Variants in RWDD3 observed in about 807,000 individuals in gnomAD.
The protein encoded by RWDD3 is RWD domain containing 3.
RWDD3 carries 30 observed loss-of-function variants against 26.5 expected under a neutral mutation model. The ratio of observed to expected loss-of-function variants is 1.13; its 90% CI spans 0.85 to 1.54. RWDD3 has a LOEUF of 1.54. Ranked by LOEUF, RWDD3 falls within the 40% of genes most tolerant of loss-of-function variation. The probability of loss-of-function intolerance (pLI) is 0.00; values close to 1 mark genes in which losing one functional copy is unlikely to be tolerated. For missense variants in RWDD3, 296 were observed against 309.1 expected (o/e 0.96, Z 0.32); for synonymous variants, 113 against 114.5 (o/e 0.99, Z 0.09).
chr1:95,237,058 A>G lies in RWDD3; in HGVS notation c.85+2743A>G, dbSNP rs532188420. On this transcript the variant is annotated intron_variant, in intron 1 of 3. Coordinates refer to ENST00000370202, the MANE Select transcript of RWDD3 (RefSeq NM_015485.5). ...ATTGAATTATAAAAGAATTCAGTGTAACAACTTAGGACATTTTGTTGCTGA... is the reference window on the plus strand; with the variant it reads ...ATTGAATTATAAAAGAATTCAGTGTGACAACTTAGGACATTTTGTTGCTGA... Among the ~76,000 whole-genome samples the G allele has an allele frequency of 1.8e-4, 27 of 152,344 alleles. 1 individual carries two copies. In the South Asian group the frequency reaches 5.4e-3, roughly 30 times the overall value.
At chr1:95,246,060 G>A (rs1232576306) in intron 2 of RWDD3, 2 of 152,284 alleles carry the variant, frequency 1.3e-5, no homozygotes. Context: ...AATTTGGAAT[G>A]GTAAGTGCTG....
chr1:95,234,271 C>T lies in RWDD3; in HGVS notation c.41C>T (p.Ala14Val). The T allele has an allele frequency of 6.3e-7, 1 of 1,599,342 alleles. No homozygotes were observed. Among genetic ancestry groups the T allele is most frequent in the African/African-American group, 1.3e-5 (1 of 74,840 alleles). Reference sequence around the variant, plus strand: ...CAGGAGGAGCTCTCGGTCCTGGCCGCGATTTTCTGCAGGCCCCACGAGTGG... The same window carrying T: ...CAGGAGGAGCTCTCGGTCCTGGCCGTGATTTTCTGCAGGCCCCACGAGTGG... Reference protein sequence around the residue: ...PVQEELSVLAAIFCRPHEWEV... With the variant: ...PVQEELSVLAVIFCRPHEWEV... Residue 14 changes from alanine to valine, a missense_variant, in exon 1 of 4, where the codon GCG (alanine) becomes GTG (valine). Physicochemically the swap from Ala to Val is moderately conservative, Grantham distance 64. Transcript: ENST00000370202.
At position 95,234,247 on chromosome 1, in the gene RWDD3, A is replaced by G. The variant is rs1014030217; in HGVS notation, c.17A>G (p.Gln6Arg). The G allele has an allele frequency of 4.4e-6, 7 of 1,593,970 alleles. No homozygotes were observed. The African/African-American group carries it at 5.4e-5, about 12-fold the overall frequency. Residue 6 changes from glutamine (Q) to arginine (R), a missense_variant, in exon 1 of 4, where the codon CAG becomes CGG. By Grantham distance (43) the Gln-to-Arg change is conservative (BLOSUM62 1). Transcript: ENST00000370202. MAEPV[Q>R]EELSVLAAIF... The stretch of plus-strand genomic sequence containing the variant: ...CCCACAGCCATGGCGGAGCCTGTGC[A>G]GGAGGAGCTCTCGGTCCTGGCCGCG...
chr1:95,234,501 G>A (rs967569668), intron 1 of RWDD3, among the ~76,000 whole-genome samples, 186 bp downstream of exon 1: 7 of 152,018 alleles, frequency 4.6e-5, no homozygotes, highest in Non-Finnish European at 1.0e-4. Flanking sequence ...AGTGTGAGGC[G>A]ACCCCAGAAA....
At chr1:95,235,697 A>G (rs1680313411) in intron 1 of RWDD3, among the ~76,000 whole-genome samples, 1 of 151,908 alleles carries the variant, frequency 6.6e-6, no homozygotes, top group African/African-American at 2.4e-5. Flanking sequence ...TGAGGGCTTT[A>G]TTAGTCATTT....
rs1557722873 is a variant in RWDD3, at chr1:95,244,703, C to T, written c.573+5C>T. On this transcript the variant is annotated splice_donor_5th_base_variant and intron_variant, in intron 2 of 3. Coordinates refer to ENST00000370202, the MANE Select transcript of RWDD3 (RefSeq NM_015485.5). ...GGAGACAGAAACAACCTCAAGGTGC[C>T]AAAAAGTTAAATGTTGAGTATGAAT... 5 of 1,609,196 alleles carry T rather than the reference C, an allele frequency of 3.1e-6. No homozygotes were observed. The highest frequency in any genetic ancestry group is 4.2e-6 in the Non-Finnish European group (5 of 1,178,142).
chr1:95,234,160 T>C, upstream of RWDD3: 1 of 1,487,950 alleles, frequency 6.7e-7, no homozygotes, highest in East Asian at 2.5e-5. Flanking sequence ...CGGGCAGTGC[T>C]GCTCCTGGCC....
chr1:95,244,792 A>C, intron 2 of RWDD3, 94 bp downstream of exon 2: 1 of 1,326,884 alleles, frequency 7.5e-7, no homozygotes, highest in Non-Finnish European at 1.0e-6. Context: ...GGATAGATTA[A>C]TTATTAAGAT....
intron 3 of RWDD3, 24 bp downstream of exon 3, chr1:95,246,681 T>C (rs1445239344): frequency 3.8e-6 from 6 of 1,559,724 alleles, no homozygotes; most frequent in East Asian, 2.3e-5. Flanking sequence ...CTATTGCAGA[T>C]GGAAAAGCAA....
At position 95,246,458 on chromosome 1, in the gene RWDD3, G is replaced by A. The variant is rs182213174; in HGVS notation, c.574-84G>A. 95 of 690,636 alleles carry A rather than the reference G, an allele frequency of 1.4e-4. No individual in the cohort carries two copies. In the African/African-American group the frequency reaches 1.6e-3, roughly 12 times the overall value. The allele number at this position is 690,636 out of a possible 1,614,324, so 42.8% of individuals were successfully genotyped here. A position where few individuals can be genotyped will look rare whatever the true frequency, so the allele number is the denominator to read the frequency against. Reference sequence around the variant, plus strand: ...AGGGGGTATTTAAGCATGAAAATAAGCCTACAGGTTTATAGCTCCTTTAAA... The same window carrying A: ...AGGGGGTATTTAAGCATGAAAATAAACCTACAGGTTTATAGCTCCTTTAAA... On this transcript the variant is annotated intron_variant, in intron 2 of 3. Coordinates refer to ENST00000370202, the MANE Select transcript of RWDD3 (RefSeq NM_015485.5).
At chr1:95,244,751 GGT>G in intron 2 of RWDD3, 53 bp downstream of exon 2, 1 of 1,573,302 alleles carries the variant, frequency 6.4e-7, no homozygotes, top group Non-Finnish European at 8.6e-7. Context: ...TGCTTTAAAT[GGT>G]GTGTCTTTAA....
In RWDD3 at chr1:95,234,239, G is replaced by A. The variant is rs750598164; in HGVS notation, c.9G>A (p.Glu3=). MA[E]PVQEELSVLA... is the part of the protein sequence containing the mutation. ...CGGTGGGGCCCACAGCCATGGCGGA[G>A]CCTGTGCAGGAGGAGCTCTCGGTCC... Residue 3 remains glutamate (E), a synonymous_variant, in exon 1 of 4, where the codon GAG becomes GAA. Transcript: ENST00000370202. 1.1e-5 allele frequency: 18 copies of A among 1,590,520 alleles called. No individual in the cohort carries two copies. The highest frequency in any genetic ancestry group is 1.3e-5 in the Non-Finnish European group (15 of 1,169,132).
chr1:95,239,034 A>T (rs1001023436), intron 1 of RWDD3, among the ~76,000 whole-genome samples: 5 of 152,200 alleles, frequency 3.3e-5, no homozygotes, highest in African/African-American at 1.2e-4. Flanking sequence ...AACTTGAACA[A>T]GAGGGCAAGA....
chr1:95,240,306 C>T (rs1407344277), intron 1 of RWDD3, among the ~76,000 whole-genome samples: 1 of 152,078 alleles, frequency 6.6e-6, no homozygotes, highest in East Asian at 1.9e-4. Context: ...TATGACTGTA[C>T]AATTTAAAAG....
At chr1:95,242,155 A>T (rs187803438) in intron 1 of RWDD3, among the ~76,000 whole-genome samples, 1 of 152,370 alleles carries the variant, frequency 6.6e-6, no homozygotes, top group African/African-American at 2.4e-5. Context: ...CTCCCACACC[A>T]GATCCCTGGA....
Position 95,246,823 on chromosome 1 carries a change from G to T in RWDD3, c.757G>T (p.Gly253Ter), listed in dbSNP as rs1478263016. The T allele has an allele frequency of 1.9e-6, 3 of 1,560,876 alleles. No homozygotes were observed. Among genetic ancestry groups the T allele is most frequent in the African/African-American group, 1.4e-5 (1 of 71,926 alleles). Residue 253 changes from glycine (G) to a stop codon, truncating the protein, a stop_gained, in exon 4 of 4, where the codon GGA becomes TGA. Transcript: ENST00000370202. LOFTEE classifies it high-confidence loss of function. ...ATTACAAAAGGAATTTGAAACTGCA[G>T]GACTTAAGAAGCTTTTCTCCGAATT... Reference protein sequence around the residue: ...DELQKEFETAGLKKLFSEFVL... With the variant: ...DELQKEFETA
intron 1 of RWDD3, among the ~76,000 whole-genome samples, chr1:95,236,120 G>A (rs1680344921): frequency 1.3e-5 from 2 of 152,182 alleles, no homozygotes; most frequent in African/African-American, 4.8e-5. Flanking sequence ...GAGGTCAGGA[G>A]TTCAAGACCA....
At chr1:95,236,413 A>G (rs1680361795) in intron 1 of RWDD3, among the ~76,000 whole-genome samples, 1 of 152,034 alleles carries the variant, frequency 6.6e-6, no homozygotes, top group Non-Finnish European at 1.5e-5. Flanking sequence ...CATGATATCC[A>G]TTGGGTGTGT....
rs763872927 is a variant in RWDD3, at chr1:95,234,287, C to T, written c.57C>T (p.Pro19=). The T allele has an allele frequency of 1.3e-6, 2 of 1,598,742 alleles. No homozygotes were observed. Among genetic ancestry groups the T allele is most frequent in the Non-Finnish European group, 1.7e-6 (2 of 1,173,076 alleles). The change falls in exon 1 of 4, where the codon CCC becomes CCT. Residue 19 remains proline, a synonymous_variant. Transcript: ENST00000370202. ...TCCTGGCCGCGATTTTCTGCAGGCC[C>T]CACGAGTGGGAGGTGCTGAGCCGCT... ...LSVLAAIFCR[P]HEWEVLSRSE...
Sources: allele counts gnomAD v4.1 joint callset (sites outside exome capture counted in the v4.1 genomes callset), GRCh38; gene constraint gnomAD v4.1.1; transcripts MANE v1.5; gene names NCBI Gene and HGNC (gene_info 2026-07-23, HGNC 2026-07-21).